DYNC1I1: variants seen among roughly 807,000 people sequenced by gnomAD.
DYNC1I1 encodes the protein cytoplasmic dynein 1 intermediate chain 1.
In DYNC1I1, 43 loss-of-function variants were observed where a neutral mutation model predicts 86.6. The observed-to-expected ratio is 0.50, with a 90% confidence interval of 0.39 to 0.64. The LOEUF (loss-of-function observed/expected upper bound fraction) is 0.64, where lower values mean the gene tolerates loss of function less well. Ranked by LOEUF, DYNC1I1 falls within the 30% of genes least tolerant of loss-of-function variation. The probability of loss-of-function intolerance (pLI) is 0.00; values close to 1 mark genes in which losing one functional copy is unlikely to be tolerated. For missense variants in DYNC1I1, 604 were observed against 788.8 expected, an observed-to-expected ratio of 0.77 and a Z score of 2.81; for synonymous variants, 262 against 283.7, an observed-to-expected ratio of 0.92 and a Z score of 0.77.
intron 1 of DYNC1I1, among the ~76,000 whole-genome samples, chr7:95,794,459 A>C (rs1398410405): frequency 1.3e-5 from 2 of 152,214 alleles, no homozygotes; most frequent in Non-Finnish European, 2.9e-5. Context: ...TGAATCTCTA[A>C]ATTGGTGGAA....
At position 95,908,052 on chromosome 7, in the gene DYNC1I1, T is replaced by C. The variant is rs143326896; in HGVS notation, c.490+38054T>C. Among the ~76,000 whole-genome samples the C allele has an allele frequency of 3.0e-4, 45 of 152,270 alleles. No individual in the cohort carries two copies. In the East Asian group the frequency reaches 8.5e-3, roughly 29 times the overall value. On this transcript the variant is annotated intron_variant, in intron 6 of 16. Coordinates refer to ENST00000447467, the MANE Select transcript of DYNC1I1 (RefSeq NM_001135556.2). ...ACATATTTTAACTAATACAAAATAG[T>C]GTTTAGGTGTTGGCAAATTTAGTTA... is the stretch of plus-strand genomic sequence containing the variant.
At position 95,800,196 on chromosome 7, in the gene DYNC1I1, T is replaced by C. The variant is rs1156252722; in HGVS notation, c.-9-4525T>C. 8.0e-5 allele frequency among the ~76,000 whole-genome samples: 12 copies of C among 150,806 alleles called. No homozygotes were observed. In the South Asian group the frequency reaches 1.9e-3, roughly 24 times the overall value. ...GGTAAATCAAAGAACAAAAGGAAAA[T>C]CAGTAGTAGAGAGCTGAAATTTGAA... is the stretch of plus-strand genomic sequence containing the variant. On this transcript the variant is annotated intron_variant, in intron 1 of 16. Transcript: ENST00000447467.
chr7:96,062,855 A>C (rs1789824671), intron 14 of DYNC1I1, among the ~76,000 whole-genome samples: 1 of 152,212 alleles, frequency 6.6e-6, no homozygotes, highest in Non-Finnish European at 1.5e-5. Context: ...TGTCTCAGGA[A>C]AAAGTAGCTG....
intron 6 of DYNC1I1, among the ~76,000 whole-genome samples, chr7:95,918,425 G>A (rs1169687639): frequency 2.0e-5 from 3 of 152,126 alleles, no homozygotes; most frequent in African/African-American, 7.2e-5. Context: ...TGCTAACCAA[G>A]GAAGAAGGGC....
chr7:95,864,291 C>T (rs779209960), intron 5 of DYNC1I1, among the ~76,000 whole-genome samples: 1 of 152,172 alleles, frequency 6.6e-6, no homozygotes, highest in Non-Finnish European at 1.5e-5. Flanking sequence ...AATGTCCAAT[C>T]AAGGACAAAT....
At chr7:96,072,193 G>A (rs887885286) in intron 14 of DYNC1I1, among the ~76,000 whole-genome samples, 3 of 152,138 alleles carry the variant, frequency 2.0e-5, no homozygotes, top group Non-Finnish European at 4.4e-5. Context: ...GAGGTGACCG[G>A]TAGCCCGCTT....
intron 2 of DYNC1I1, among the ~76,000 whole-genome samples, chr7:95,806,090 G>T (rs1484072236): frequency 6.6e-6 from 1 of 152,064 alleles, no homozygotes; most frequent in Non-Finnish European, 1.5e-5. Context: ...CAGTCTTTGA[G>T]TGAAGTAGAG....
intron 14 of DYNC1I1, among the ~76,000 whole-genome samples, chr7:96,059,198 G>T (rs986346178): frequency 6.6e-6 from 1 of 152,164 alleles, no homozygotes; most frequent in East Asian, 1.9e-4. Flanking sequence ...ATGCCTGAAG[G>T]ATGCTTGTTT....
At chr7:95,975,834 A>T (rs952172061) in intron 6 of DYNC1I1, among the ~76,000 whole-genome samples, 1 of 152,200 alleles carries the variant, frequency 6.6e-6, no homozygotes, top group African/African-American at 2.4e-5. Flanking sequence ...CTGCCTCTTC[A>T]TCCAAGGATT....
intron 5 of DYNC1I1, among the ~76,000 whole-genome samples, chr7:95,829,026 C>G (rs912094590): frequency 6.6e-6 from 1 of 152,156 alleles, no homozygotes; most frequent in Admixed American, 6.5e-5. Flanking sequence ...ACCGACAGAG[C>G]ACTGGATATC....
At chr7:95,808,610 G>A (rs1338176533) in intron 2 of DYNC1I1, among the ~76,000 whole-genome samples, 2 of 152,246 alleles carry the variant, frequency 1.3e-5, no homozygotes, top group South Asian at 2.1e-4. Context: ...GCTTCCTGCC[G>A]AATTGCTGCA....
chr7:95,993,310 G>GT (rs541300998), intron 9 of DYNC1I1, among the ~76,000 whole-genome samples: 78 of 152,180 alleles, frequency 5.1e-4, no homozygotes, highest in Middle Eastern at 3.4e-3. Flanking sequence ...AGCACTCCCT[G>GT]TTTTCTAAAG....
intron 6 of DYNC1I1, among the ~76,000 whole-genome samples, chr7:95,957,805 TC>T (rs1158699763): frequency 5.9e-5 from 9 of 152,264 alleles, no homozygotes; most frequent in Non-Finnish European, 2.9e-5. Flanking sequence ...AAGAGCTCCA[TC>T]CCCAGGATCA....
chr7:96,014,733 T>A (rs1450883336), intron 10 of DYNC1I1, among the ~76,000 whole-genome samples: 1 of 152,198 alleles, frequency 6.6e-6, no homozygotes, highest in East Asian at 1.9e-4. Context: ...ACGGATCTTG[T>A]TTTTCAGGTC....
chr7:95,934,952 T>TTGTGTGTGTGTG lies in DYNC1I1; in HGVS notation c.491-42548_491-42537dup, dbSNP rs145382652. Among the ~76,000 whole-genome samples the TTGTGTGTGTGTG allele has an allele frequency of 1.2e-3, 174 of 149,078 alleles. 2 individuals are homozygous for TTGTGTGTGTGTG. Among genetic ancestry groups the TTGTGTGTGTGTG allele is most frequent in the African/African-American group, 4.2e-3 (172 of 40,812 alleles). Reference sequence around the variant, plus strand: ...TTTGTTTTTGTTTTTGTTTTTTGTTTTGTGTGTGTGTGTGTGTGTGTGTCT... The same window carrying TTGTGTGTGTGTG: ...TTTGTTTTTGTTTTTGTTTTTTGTTTTGTGTGTGTGTGTGTGTGTGTGTGTGTGTGTGTGTCT... On this transcript the variant is annotated intron_variant, in intron 6 of 16. Transcript: ENST00000447467.
intron 6 of DYNC1I1, among the ~76,000 whole-genome samples, chr7:95,973,907 A>G (rs76844364): frequency 2.9e-4 from 44 of 152,332 alleles, no homozygotes; most frequent in African/African-American, 1.1e-3. Flanking sequence ...TAAATGCACA[A>G]TTATTATCTA....
rs562890139 is a variant in DYNC1I1, at chr7:95,792,160, G to A, written c.-9-12561G>A. Among the ~76,000 whole-genome samples, 12 of 152,284 alleles carry A rather than the reference G, an allele frequency of 7.9e-5. No individual in the cohort carries two copies. In the East Asian group the frequency reaches 1.5e-3, roughly 20 times the overall value. ...TGTCTTAAGAGCTTTAAGTCTAACA[G>A]GAGGAGAAGAATCACATTAACAGAG... On this transcript the variant is annotated intron_variant, in intron 1 of 16. Coordinates refer to ENST00000447467, the MANE Select transcript of DYNC1I1 (RefSeq NM_001135556.2).
chr7:96,023,486 T>C (rs1449768172), intron 10 of DYNC1I1, among the ~76,000 whole-genome samples: 1 of 152,130 alleles, frequency 6.6e-6, no homozygotes, highest in Non-Finnish European at 1.5e-5. Context: ...GTACCATCTC[T>C]AAGCTGGCCT....
At chr7:96,020,239 C>T (rs567248194) in intron 10 of DYNC1I1, among the ~76,000 whole-genome samples, 6 of 151,976 alleles carry the variant, frequency 3.9e-5, no homozygotes, top group East Asian at 1.9e-4. Flanking sequence ...AAAACATACC[C>T]GAGACTGGGA....
Sources: gnomAD v4.1 joint callset for allele counts (sites outside exome capture counted in the v4.1 genomes callset) on GRCh38, gnomAD v4.1.1 for gene constraint, MANE v1.5 for transcripts, NCBI Gene and HGNC (gene_info 2026-07-23, HGNC 2026-07-21) for gene names.